The following TUT4 variants were observed in gnomAD, a reference collection of about 807,000 sequenced individuals.
TUT4 encodes the protein terminal uridylyltransferase 4.
In TUT4, 36 loss-of-function variants were observed where a neutral mutation model predicts 192.2. The observed-to-expected ratio is 0.19, with a 90% confidence interval of 0.14 to 0.25. The LOEUF (loss-of-function observed/expected upper bound fraction) is 0.25, where lower values mean the gene tolerates loss of function less well. TUT4 is among the 10% of genes least tolerant of loss of function. The pLI is 1.00. For missense variants in TUT4, 1,493 were observed against 1,957.2 expected, an observed-to-expected ratio of 0.76 and a Z score of 4.47; for synonymous variants, 618 against 666.0, an observed-to-expected ratio of 0.93 and a Z score of 1.11.
intron 9 of TUT4, 80 bp downstream of exon 9, chr1:52,488,829 C>CA: frequency 2.8e-6 from 4 of 1,419,064 alleles, no homozygotes; most frequent in Non-Finnish European, 3.7e-6. Context: ...CATGTCAGTA[C>CA]AAGAAAAGGC....
chr1:52,437,230 T>C (rs1654058053), intron 25 of TUT4: 1 of 352,482 alleles, frequency 2.8e-6, no homozygotes, highest in South Asian at 7.2e-5. Flanking sequence ...TCCTTAGAGG[T>C]TGATATTTAT....
intron 1 of TUT4, among the ~76,000 whole-genome samples, chr1:52,528,949 G>C (rs1250495356): frequency 1.3e-5 from 2 of 151,944 alleles, no homozygotes; most frequent in East Asian, 1.9e-4. Flanking sequence ...ATGGCCTCAA[G>C]TGACCCTCCC....
chr1:52,464,437 G>A (rs954582890), intron 16 of TUT4, among the ~76,000 whole-genome samples: 7 of 151,826 alleles, frequency 4.6e-5, no homozygotes, highest in Middle Eastern at 3.4e-3. Flanking sequence ...TTTATTTTTC[G>A]TAGAGACGGG....
chr1:52,521,906 A>G (rs1680387570), intron 2 of TUT4, among the ~76,000 whole-genome samples: 1 of 152,292 alleles, frequency 6.6e-6, no homozygotes, highest in South Asian at 2.1e-4. Context: ...TGGAGGTTGC[A>G]GTGAGCCAAG....
chr1:52,504,695 G>A (rs1485098450), intron 4 of TUT4, among the ~76,000 whole-genome samples: 1 of 151,522 alleles, frequency 6.6e-6, no homozygotes, highest in Non-Finnish European at 1.5e-5. Flanking sequence ...CTATAACACA[G>A]AACACAAATG....
chr1:52,493,580 AAAAAAGAAAAG>A lies in TUT4; in HGVS notation c.1318+20_1318+30del, dbSNP rs748853005. ...ACCTTTAGAAAGACAAATTAAAAAA[AAAAAAGAAAAG>A]AAAAAGAAAAGAAACTCACCATTTT... On this transcript the variant is annotated intron_variant, in intron 7 of 29. Coordinates refer to ENST00000257177, the MANE Select transcript of TUT4 (RefSeq NM_001009881.3). 17 of 1,399,182 alleles carry A rather than the reference AAAAAAGAAAAG, an allele frequency of 1.2e-5. No individual in the cohort carries two copies. The highest frequency in any genetic ancestry group is 5.2e-5 in the South Asian group (4 of 77,126). 86.7% of individuals were successfully genotyped at this position (1,399,182 alleles called of 1,614,324 possible). A position where few individuals can be genotyped will look rare whatever the true frequency, so the allele number is the denominator to read the frequency against.
upstream of TUT4, chr1:52,553,463 G>C (rs1374969991): frequency 6.6e-6 from 1 of 151,574 alleles, no homozygotes; most frequent in Non-Finnish European, 1.5e-5. Context: ...GCGCGCGAGA[G>C]ACACTCGTTA....
chr1:52,436,469 A>G (rs1653831636), intron 26 of TUT4, among the ~76,000 whole-genome samples: 1 of 152,176 alleles, frequency 6.6e-6, no homozygotes, highest in African/African-American at 2.4e-5. Flanking sequence ...CTGGGTAACA[A>G]GAGCGAGACT....
rs1269461130 is a variant in TUT4, at chr1:52,475,504, C to T, written c.2055G>A (p.Arg685=). Residue 685 remains arginine (R), a synonymous_variant, in exon 13 of 30, where the codon CGG becomes CGA. Transcript: ENST00000257177. ...DPFSVKRNVA[R]SLNSQLVYEY... is the part of the protein sequence containing the mutation. Reference sequence around the variant, plus strand: ...CGTAAACCAGCTGGCTGTTTAAGCTCCGTGCAACATTCCTCTTGACTGAAA... The same window carrying T: ...CGTAAACCAGCTGGCTGTTTAAGCTTCGTGCAACATTCCTCTTGACTGAAA... The T allele has an allele frequency of 7.4e-6, 12 of 1,613,652 alleles. No individual in the cohort carries two copies. Among genetic ancestry groups the T allele is most frequent in the Non-Finnish European group, 9.3e-6 (11 of 1,179,856 alleles).
chr1:52,458,268 C>A, intron 20 of TUT4, 68 bp downstream of exon 20: 1 of 1,193,604 alleles, frequency 8.4e-7, no homozygotes, highest in Non-Finnish European at 1.2e-6. Flanking sequence ...ATGAACCAAG[C>A]AAAATCTCCT....
At chr1:52,496,909 A>G in intron 5 of TUT4, 97 bp downstream of exon 5, 3 of 1,195,292 alleles carry the variant, frequency 2.5e-6, no homozygotes, top group Non-Finnish European at 3.4e-6. Context: ...TTTTAAGGAG[A>G]AAAGGGAAGA....
chr1:52,518,718 C>T (rs149616690), intron 2 of TUT4, among the ~76,000 whole-genome samples: 53 of 152,242 alleles, frequency 3.5e-4, no homozygotes, highest in Middle Eastern at 6.8e-3. Context: ...CAGAAGACCA[C>T]ATATTGTATG....
chr1:52,511,241 G>A (rs1677068661), intron 3 of TUT4, among the ~76,000 whole-genome samples: 1 of 152,154 alleles, frequency 6.6e-6, no homozygotes, highest in Non-Finnish European at 1.5e-5. Flanking sequence ...AAGTAAATAA[G>A]AAAAGTTGGC....
intron 26 of TUT4, 67 bp downstream of exon 26, chr1:52,436,688 T>G: frequency 6.3e-7 from 1 of 1,599,260 alleles, no homozygotes; most frequent in Non-Finnish European, 8.5e-7. Context: ...ATTAGGGTCA[T>G]TTAGCATGCA....
intron 17 of TUT4, 29 bp from the exon 18 acceptor site, chr1:52,461,645 G>A (rs751521496): frequency 6.4e-7 from 1 of 1,570,074 alleles, no homozygotes; most frequent in Non-Finnish European, 8.7e-7. Flanking sequence ...ACTTCAGTAG[G>A]TTAAATAATT....
At chr1:52,476,469 A>T (rs1449802782) in intron 12 of TUT4, among the ~76,000 whole-genome samples, 1 of 152,198 alleles carries the variant, frequency 6.6e-6, no homozygotes, top group Non-Finnish European at 1.5e-5. Flanking sequence ...CCAGGAAAAA[A>T]GAACAGTGCA....
At chr1:52,452,305 A>G (rs1038173264) in intron 20 of TUT4, among the ~76,000 whole-genome samples, 1 of 152,184 alleles carries the variant, frequency 6.6e-6, no homozygotes, top group Non-Finnish European at 1.5e-5. Flanking sequence ...GTGATGTTAT[A>G]ATTGGCCTCC....
At chr1:52,429,350 G>GC in intron 28 of TUT4, among the ~76,000 whole-genome samples, 1 of 151,582 alleles carries the variant, frequency 6.6e-6, no homozygotes. Flanking sequence ...CTCCCAAAGT[G>GC]CTAATAGTTC....
chr1:52,530,566 T>C (rs917757424), intron 1 of TUT4, among the ~76,000 whole-genome samples: 9 of 152,192 alleles, frequency 5.9e-5, no homozygotes, highest in Non-Finnish European at 1.2e-4. Flanking sequence ...CTTGTAAGAG[T>C]AGCCAATGTC....
Sources: allele counts gnomAD v4.1 joint callset (sites outside exome capture counted in the v4.1 genomes callset), GRCh38; gene constraint gnomAD v4.1.1; transcripts MANE v1.5; gene names NCBI Gene and HGNC (gene_info 2026-07-23, HGNC 2026-07-21).